The following NFAM1 variants were observed in gnomAD, a reference collection of about 807,000 sequenced individuals.
NFAM1 encodes NFAT activation molecule 1.
In NFAM1, 17 loss-of-function variants were observed where a neutral mutation model predicts 29.0. The observed-to-expected ratio is 0.59, with a 90% CI of 0.40 to 0.88. The LOEUF is 0.88. Among genes scored for constraint, NFAM1 ranks in the 40% least tolerant of loss-of-function variants. The pLI, the probability that NFAM1 is intolerant of heterozygous loss-of-function variation, is 0.00. For synonymous variants in NFAM1, 175 were observed against 147.2 expected (o/e 1.19, Z -1.36); for missense variants, 324 against 344.6 (o/e 0.94, Z 0.47).
intron 1 of NFAM1, among the ~76,000 whole-genome samples, chr22:42,418,070 G>A (rs1364198139): frequency 6.6e-6 from 1 of 152,226 alleles, no homozygotes; most frequent in African/African-American, 2.4e-5. Context: ...GCAGCTCCAG[G>A]GAAGTCCCTC....
At chr22:42,398,156 C>T (rs1275822098) in intron 3 of NFAM1, among the ~76,000 whole-genome samples, 200 bp from the exon 4 acceptor site, 1 of 152,218 alleles carries the variant, frequency 6.6e-6, no homozygotes. Flanking sequence ...CCTGGAGACA[C>T]AGGAAATGGA....
chr22:42,411,814 A>C, intron 1 of NFAM1, 78 bp from the exon 2 acceptor site: 1 of 997,612 alleles, frequency 1.0e-6, no homozygotes, highest in Non-Finnish European at 1.5e-6. Flanking sequence ...GTTAAGGCTC[A>C]CGACCGGGTG....
intron 2 of NFAM1, 118 bp downstream of exon 2, chr22:42,411,289 G>A: frequency 2.6e-6 from 2 of 762,008 alleles, no homozygotes; most frequent in Non-Finnish European, 4.3e-6. Context: ...CTCCCAAAGT[G>A]CTGGGATGTG....
chr22:42,391,628 A>G (rs530739900), intron 4 of NFAM1, among the ~76,000 whole-genome samples: 1 of 152,102 alleles, frequency 6.6e-6, no homozygotes, highest in Non-Finnish European at 1.5e-5. Flanking sequence ...GACGTGGGTA[A>G]GAGGCACTCA....
At chr22:42,427,159 A>C (rs545142902) in intron 1 of NFAM1, among the ~76,000 whole-genome samples, 14 of 151,826 alleles carry the variant, frequency 9.2e-5, no homozygotes, top group Non-Finnish European at 1.9e-4. Flanking sequence ...TTTCAGCCCC[A>C]TCTGGGTCCT....
At position 42,419,614 on chromosome 22, in the gene NFAM1, T is replaced by C. The variant is rs1337232319; in HGVS notation, c.122-7878A>G. On this transcript the variant is annotated intron_variant, in intron 1 of 5. Coordinates refer to ENST00000329021, the MANE Select transcript of NFAM1 (RefSeq NM_145912.8). The surrounding 1 kb of genome is among the most constrained non-coding windows in gnomAD (Gnocchi z 4.5). The stretch of plus-strand genomic sequence containing the variant: ...GACCTGCACAGCCCCGCTCAGCTGC[T>C]CTCTGGCCCTCACTCGCCCACTCCT... Among the ~76,000 whole-genome samples, 1 of 152,144 alleles carries C rather than the reference T, an allele frequency of 6.6e-6. No homozygotes were observed. The highest frequency in any genetic ancestry group is 1.5e-5 in the Non-Finnish European group (1 of 67,980).
intron 3 of NFAM1, among the ~76,000 whole-genome samples, chr22:42,403,666 A>G (rs527692422): frequency 2.6e-5 from 4 of 152,370 alleles, no homozygotes; most frequent in African/African-American, 7.2e-5. Flanking sequence ...ATAAATGGTA[A>G]GCCCTTCAGC....
At chr22:42,403,665 A>G (rs560154355) in intron 3 of NFAM1, among the ~76,000 whole-genome samples, 3 of 152,376 alleles carry the variant, frequency 2.0e-5, no homozygotes, top group Non-Finnish European at 4.4e-5. Flanking sequence ...TATAAATGGT[A>G]AGCCCTTCAG....
intron 3 of NFAM1, among the ~76,000 whole-genome samples, chr22:42,398,382 T>TTTTTTTTTA (rs568828000): frequency 8.0e-6 from 1 of 125,440 alleles, no homozygotes; most frequent in Admixed American, 9.2e-5. Context: ...CTTGGTTTTA[T>TTTTTTTTTA]TTATTATTAT....
At chr22:42,408,470 C>G (rs1264007155) in intron 3 of NFAM1, among the ~76,000 whole-genome samples, 1 of 152,196 alleles carries the variant, frequency 6.6e-6, no homozygotes, top group Middle Eastern at 3.2e-3. Flanking sequence ...CCCCGAAGGT[C>G]CCCGGAGGGT....
chr22:42,424,200 C>G (rs545389784), intron 1 of NFAM1, among the ~76,000 whole-genome samples: 62 of 152,170 alleles, frequency 4.1e-4, no homozygotes, highest in African/African-American at 1.0e-3. Flanking sequence ...CGGATCACAA[C>G]GTCAGGAGAT....
intron 1 of NFAM1, among the ~76,000 whole-genome samples, chr22:42,416,753 C>G (rs1482453856): frequency 6.6e-6 from 1 of 152,222 alleles, no homozygotes; most frequent in African/African-American, 2.4e-5. Context: ...CGGCCGCTAT[C>G]TATCTCATGC....
upstream of NFAM1, among the ~76,000 whole-genome samples, chr22:42,433,753 G>C (rs779368152): frequency 2.6e-5 from 4 of 152,208 alleles, no homozygotes; most frequent in Non-Finnish European, 5.9e-5. Flanking sequence ...GGGGACCCCA[G>C]TGTTATTGAC....
chr22:42,385,054 G>T lies in NFAM1; in HGVS notation c.*107C>A. 1 of 822,824 alleles carries T rather than the reference G, an allele frequency of 1.2e-6. No homozygotes were observed. The highest frequency in any genetic ancestry group is 2.1e-6 in the Non-Finnish European group (1 of 465,776). The allele number at this position is 822,824 out of a possible 1,614,324, so 51.0% of individuals were successfully genotyped here. ...GCCTTGAATGTGAGGGTGAAATGAT[G>T]GGGTGTCCCTGGGGGCCTTACTCCC... On this transcript the variant is annotated 3_prime_UTR_variant, in exon 6 of 6. Transcript: ENST00000329021.
intron 1 of NFAM1, among the ~76,000 whole-genome samples, chr22:42,413,261 T>C (rs59697286): frequency 0.07 from 10,632 of 151,794 alleles, 1,287 homozygotes; most frequent in African/African-American, 0.25. Flanking sequence ...GAAAGAGAGG[T>C]GTGGGCCCTG....
At position 42,391,932 on chromosome 22, in the gene NFAM1, C is replaced by T. The variant is rs372365091; in HGVS notation, c.664-4854G>A. 5.9e-4 allele frequency among the ~76,000 whole-genome samples: 70 copies of T among 119,558 alleles called. No individual in the cohort carries two copies. In the Middle Eastern group the frequency reaches 0.028, roughly 48 times the overall value. 78.4% of individuals were successfully genotyped at this position (119,558 alleles called of 152,430 possible). The stretch of plus-strand genomic sequence containing the variant: ...TGCACTCCAGCCTGGGTGACAAGAG[C>T]GAGACTCTGTCTCAAAAAAAAAAAA... On this transcript the variant is annotated intron_variant, in intron 4 of 5. Transcript: ENST00000329021.
At chr22:42,407,818 C>G (rs1346090152) in intron 3 of NFAM1, among the ~76,000 whole-genome samples, 4 of 151,882 alleles carry the variant, frequency 2.6e-5, no homozygotes, top group African/African-American at 9.7e-5. Context: ...TATTGAACTC[C>G]TAAGCTCAGG....
Position 42,385,046 on chromosome 22 carries a change from G to T in NFAM1, c.*115C>A. 1.2e-6 allele frequency: 1 copy of T among 800,704 alleles called. No individual in the cohort carries two copies. The highest frequency in any genetic ancestry group is 2.2e-6 in the Non-Finnish European group (1 of 448,996). The allele number at this position is 800,704 out of a possible 1,614,324, so 49.6% of individuals were successfully genotyped here. A position where few individuals can be genotyped will look rare whatever the true frequency, so the allele number is the denominator to read the frequency against. Reference sequence around the variant, plus strand: ...CAGGAAGGGCCTTGAATGTGAGGGTGAAATGATGGGGTGTCCCTGGGGGCC... The same window carrying T: ...CAGGAAGGGCCTTGAATGTGAGGGTTAAATGATGGGGTGTCCCTGGGGGCC... On this transcript the variant is annotated 3_prime_UTR_variant, in exon 6 of 6. Transcript: ENST00000329021.
At chr22:42,413,607 C>G (rs147903635) in intron 1 of NFAM1, among the ~76,000 whole-genome samples, 2 of 151,868 alleles carry the variant, frequency 1.3e-5, no homozygotes, top group African/African-American at 4.8e-5. Context: ...GAAACCCCGC[C>G]TCTACTAAAA....
Sources: allele counts gnomAD v4.1 joint callset (sites outside exome capture counted in the v4.1 genomes callset), GRCh38; gene constraint gnomAD v4.1.1; non-coding constraint Gnocchi (gnomAD v3.1); transcripts MANE v1.5; gene names NCBI Gene and HGNC (gene_info 2026-07-23, HGNC 2026-07-21).